Variants in MDFIC2 observed in about 807,000 individuals in gnomAD.
MDFIC2 encodes myoD family inhibitor domain-containing protein 2.
At chr3:70,221,473 C>T (rs1701459612) in intron 2 of MDFIC2, among the ~76,000 whole-genome samples, 1 of 152,056 alleles carries the variant, frequency 6.6e-6, no homozygotes, top group East Asian at 1.9e-4. Flanking sequence ...TTGGATTCTA[C>T]AGCCTTTCCT....
intron 2 of MDFIC2, among the ~76,000 whole-genome samples, chr3:70,255,260 T>G (rs373596804): frequency 1.3e-5 from 2 of 152,176 alleles, no homozygotes; most frequent in African/African-American, 4.8e-5. Flanking sequence ...CAATGACACA[T>G]AAATTTTTGT....
At chr3:70,207,399 G>A (rs976934273) in intron 2 of MDFIC2, among the ~76,000 whole-genome samples, 1 of 151,882 alleles carries the variant, frequency 6.6e-6, no homozygotes, top group Non-Finnish European at 1.5e-5. Context: ...ATGCTTCTTG[G>A]GAACATGCTT....
intron 2 of MDFIC2, among the ~76,000 whole-genome samples, chr3:70,259,090 T>C (rs944876780): frequency 6.6e-6 from 1 of 152,178 alleles, no homozygotes; most frequent in Non-Finnish European, 1.5e-5. Flanking sequence ...AATTATACGG[T>C]ACCTCCTGCT....
At chr3:70,237,281 C>T (rs1282759849) in intron 2 of MDFIC2, among the ~76,000 whole-genome samples, 5 of 152,190 alleles carry the variant, frequency 3.3e-5, no homozygotes, top group Non-Finnish European at 4.4e-5. Flanking sequence ...TTCTCCAGTG[C>T]GGATACACCA....
chr3:70,273,027 A>C (rs1701988944), intron 2 of MDFIC2, among the ~76,000 whole-genome samples: 1 of 152,122 alleles, frequency 6.6e-6, no homozygotes, highest in Non-Finnish European at 1.5e-5. Context: ...TCCACCTCCA[A>C]ATATCCTTCT....
intron 2 of MDFIC2, among the ~76,000 whole-genome samples, chr3:70,297,564 A>C (rs1459143108): frequency 2.0e-5 from 3 of 152,150 alleles, no homozygotes; most frequent in Non-Finnish European, 4.4e-5. Context: ...CCTGTGGAGC[A>C]ATATGTATAT....
chr3:70,208,637 G>T (rs993556236), intron 2 of MDFIC2, among the ~76,000 whole-genome samples: 1 of 151,994 alleles, frequency 6.6e-6, no homozygotes, highest in Non-Finnish European at 1.5e-5. Flanking sequence ...CGATGCCAGG[G>T]ATCTTCTGCA....
intron 2 of MDFIC2, among the ~76,000 whole-genome samples, chr3:70,240,290 G>GA (rs899409180): frequency 5.3e-5 from 8 of 150,386 alleles, no homozygotes; most frequent in South Asian, 2.1e-4. Flanking sequence ...TCATCTTGGG[G>GA]AAAAAAAACA....
chr3:70,218,618 ACT>A (rs549827858), intron 2 of MDFIC2, among the ~76,000 whole-genome samples: 4 of 151,896 alleles, frequency 2.6e-5, no homozygotes, highest in South Asian at 2.1e-4. Context: ...GGATTAACAG[ACT>A]CTATTCTGGA....
chr3:70,231,975 C>T (rs571997793), intron 2 of MDFIC2, among the ~76,000 whole-genome samples: 2 of 152,248 alleles, frequency 1.3e-5, no homozygotes, highest in East Asian at 3.9e-4. Context: ...TTGGGAGCCC[C>T]CAAAGCGTTA....
At chr3:70,310,098 G>A (rs938503176) in intron 2 of MDFIC2, among the ~76,000 whole-genome samples, 6 of 152,068 alleles carry the variant, frequency 3.9e-5, no homozygotes, top group African/African-American at 9.7e-5. Context: ...GGGGCTCTTT[G>A]ATGCATGTTC....
intron 2 of MDFIC2, among the ~76,000 whole-genome samples, chr3:70,265,737 T>C (rs975873836): frequency 6.6e-6 from 1 of 152,208 alleles, no homozygotes; most frequent in Non-Finnish European, 1.5e-5. Context: ...AAGGTTTAAT[T>C]GACTCACAGT....
At chr3:70,247,385 T>C (rs1316456650) in intron 2 of MDFIC2, among the ~76,000 whole-genome samples, 1 of 151,960 alleles carries the variant, frequency 6.6e-6, no homozygotes, top group Non-Finnish European at 1.5e-5. Context: ...TAGTGAATAA[T>C]TTTTTTAAAG....
intron 2 of MDFIC2, among the ~76,000 whole-genome samples, chr3:70,241,626 C>T (rs187499185): frequency 1.3e-5 from 2 of 151,980 alleles, no homozygotes; most frequent in South Asian, 2.1e-4. Flanking sequence ...AGTACCTGAC[C>T]CAAGTTCACA....
chr3:70,245,659 T>C (rs1405825927), intron 2 of MDFIC2, among the ~76,000 whole-genome samples: 4 of 134,688 alleles, frequency 3.0e-5, no homozygotes, highest in South Asian at 2.3e-4. Flanking sequence ...CATAACGTTT[T>C]TGCAAACTGC....
At position 70,226,923 on chromosome 3, in the gene MDFIC2, T is replaced by A. The variant is rs538307280; in HGVS notation, c.89-20133A>T. Among the ~76,000 whole-genome samples the A allele has an allele frequency of 3.0e-4, 45 of 152,184 alleles. 1 individual carries two copies. The highest frequency in any genetic ancestry group is 1.1e-3 in the African/African-American group (44 of 41,532). On this transcript the variant is annotated intron_variant, in intron 2 of 3. Coordinates refer to ENST00000567252, the MANE Select transcript of MDFIC2 (RefSeq NM_001364677.1). ...GTGGGAATTCTGATGAAGCTTTTGA[T>A]CTTTACCCATAGATTTTTTATTTTA...
chr3:70,213,015 C>T (rs1701366046), intron 2 of MDFIC2, among the ~76,000 whole-genome samples: 1 of 152,022 alleles, frequency 6.6e-6, no homozygotes, highest in African/African-American at 2.4e-5. Flanking sequence ...CACCATGCTG[C>T]CTGGGCTGGT....
rs1462121884 is a variant in MDFIC2 at position 70,195,756 on chromosome 3, T to C, written c.*1170A>G. 1.3e-5 allele frequency among the ~76,000 whole-genome samples: 2 copies of C among 152,188 alleles called. No homozygotes were observed. The highest frequency in any genetic ancestry group is 2.4e-5 in the African/African-American group (1 of 41,446). On this transcript the variant is annotated 3_prime_UTR_variant, in exon 4 of 4. Coordinates refer to ENST00000567252, the MANE Select transcript of MDFIC2 (RefSeq NM_001364677.1). ...GAAATTAACACAAAGTAATGAGCAA[T>C]GTATTTGCCCAAGGACTATAGAATT...
chr3:70,230,577 C>T (rs945844286), intron 2 of MDFIC2, among the ~76,000 whole-genome samples: 3 of 152,096 alleles, frequency 2.0e-5, no homozygotes, highest in African/African-American at 7.2e-5. Context: ...AAATTACTGG[C>T]AGAAGTTGTC....
Sources: gnomAD v4.1 joint callset for allele counts (sites outside exome capture counted in the v4.1 genomes callset) on GRCh38, gnomAD v4.1.1 for gene constraint, MANE v1.5 for transcripts, NCBI Gene and HGNC (gene_info 2026-07-23, HGNC 2026-07-21) for gene names.